KIRREL3: variants seen among roughly 807,000 people sequenced by gnomAD.
KIRREL3 encodes kirre like nephrin family adhesion molecule 3.
Under a neutral mutation model 89.7 loss-of-function variants are expected in KIRREL3, and 36 were observed. The observed-to-expected ratio is 0.40, with a 90% confidence interval of 0.31 to 0.53. The LOEUF is 0.53. Among genes scored for constraint, KIRREL3 ranks in the 20% least tolerant of loss-of-function variants. The probability of loss-of-function intolerance (pLI) is 0.49; values close to 1 mark genes in which losing one functional copy is unlikely to be tolerated. For missense variants in KIRREL3, 864 were observed against 1,056.6 expected, an observed-to-expected ratio of 0.82 and a Z score of 2.53; for synonymous variants, 445 against 441.4, an observed-to-expected ratio of 1.01 and a Z score of -0.10.
At chr11:126,540,630 C>A (rs965614543) in intron 2 of KIRREL3, among the ~76,000 whole-genome samples, 1 of 152,370 alleles carries the variant, frequency 6.6e-6, no homozygotes, top group South Asian at 2.1e-4. Flanking sequence ...TCCATCGATC[C>A]AGCCAAGGCC....
rs7946318 is a variant in KIRREL3, at chr11:126,897,903, C to T, written c.55+102552G>A. Among the ~76,000 whole-genome samples, 69,720 of 151,952 alleles carry T rather than the reference C, an allele frequency of 0.46. 18,161 individuals are homozygous for T. Among genetic ancestry groups the T allele is most frequent in the African/African-American group, 0.72 (29,662 of 41,438 alleles). ...TGATGTATGGCACCTCGAGTTGCTG[C>T]TGGGACTGCAGAGGACACATCATTC... On this transcript the variant is annotated intron_variant, in intron 1 of 16. Transcript: ENST00000525144. This position sits in a 1 kb window ranked among gnomAD's most constrained non-coding sequence, Gnocchi z 4.2.
Position 126,985,001 on chromosome 11 carries a change from G to A in KIRREL3, c.55+15454C>T, listed in dbSNP as rs1949821481. Among the ~76,000 whole-genome samples, 1 of 152,250 alleles carries A rather than the reference G, an allele frequency of 6.6e-6. No homozygotes were observed. The highest frequency in any genetic ancestry group is 2.4e-5 in the African/African-American group (1 of 41,536). On this transcript the variant is annotated intron_variant, in intron 1 of 16. Transcript: ENST00000525144. This position sits in a 1 kb window ranked among gnomAD's most constrained non-coding sequence, Gnocchi z 5.3. ...TTATTTTCCTTACTTTTTAAAGGCAGGATAAGAGTTGATTCAGGGAGGAAG... is the reference window on the plus strand; with the variant it reads ...TTATTTTCCTTACTTTTTAAAGGCAAGATAAGAGTTGATTCAGGGAGGAAG...
rs1946591005 is a variant in KIRREL3, at chr11:126,684,450, G to T, written c.56-121538C>A. Among the ~76,000 whole-genome samples, 1 of 152,148 alleles carries T rather than the reference G, an allele frequency of 6.6e-6. No homozygotes were observed. Among genetic ancestry groups the T allele is most frequent in the African/African-American group, 2.4e-5 (1 of 41,442 alleles). Reference sequence around the variant, plus strand: ...CCTGCCCCTCCAAAGTGGTTCCAAGGTGCCTCCACAAAGCCTCAGGGCTCT... The same window carrying T: ...CCTGCCCCTCCAAAGTGGTTCCAAGTTGCCTCCACAAAGCCTCAGGGCTCT... On this transcript the variant is annotated intron_variant, in intron 1 of 16. Transcript: ENST00000525144. This position sits in a 1 kb window ranked among gnomAD's most constrained non-coding sequence, Gnocchi z 4.2.
intron 1 of KIRREL3, among the ~76,000 whole-genome samples, chr11:126,722,429 T>C (rs1281512180): frequency 1.3e-5 from 2 of 152,272 alleles, no homozygotes; most frequent in African/African-American, 4.8e-5. Flanking sequence ...GTTTTCTGTT[T>C]AGCTCTTCTG....
rs1173521922 is a variant in KIRREL3 at position 126,558,383 on chromosome 11, C to A, written c.133+4452G>T. ...GCCCTTTCTTCTCCCTGCCTTGCCA[C>A]TTCCTCTCTTTCCAGCCACCCTGAA... On this transcript the variant is annotated intron_variant, in intron 2 of 16. Transcript: ENST00000525144. This position sits in a 1 kb window ranked among gnomAD's most constrained non-coding sequence, Gnocchi z 4.0. Among the ~76,000 whole-genome samples, 1 of 152,200 alleles carries A rather than the reference C, an allele frequency of 6.6e-6. No individual in the cohort carries two copies. Among genetic ancestry groups the A allele is most frequent in the African/African-American group, 2.4e-5 (1 of 41,456 alleles).
At chr11:126,505,014 A>AC (rs149688268) in intron 4 of KIRREL3, among the ~76,000 whole-genome samples, 1,972 of 152,354 alleles carry the variant, frequency 0.013, 36 homozygotes, top group African/African-American at 0.045. Context: ...TCAACCTGAT[A>AC]TAGGTCACCA....
At chr11:126,573,871 T>TG (rs1941108314) in intron 1 of KIRREL3, among the ~76,000 whole-genome samples, 1 of 151,992 alleles carries the variant, frequency 6.6e-6, no homozygotes, top group Admixed American at 6.6e-5. Flanking sequence ...GACCTCTTGC[T>TG]GGGGGGATAT....
rs754405418 is a variant in KIRREL3 at position 126,795,880 on chromosome 11, C to T, written c.55+204575G>A. On this transcript the variant is annotated intron_variant, in intron 1 of 16. Transcript: ENST00000525144. This position sits in a 1 kb window ranked among gnomAD's most constrained non-coding sequence, Gnocchi z 4.1. ...AGATACCCCATGCCAGGCCAGCCTC[C>T]GTACTGCCAGGCTCGTCCTCACCCT... 1.4e-4 allele frequency among the ~76,000 whole-genome samples: 22 copies of T among 152,122 alleles called. No individual in the cohort carries two copies. The highest frequency in any genetic ancestry group is 3.1e-4 in the Non-Finnish European group (21 of 68,030).
chr11:126,961,350 G>T (rs1034913939), intron 1 of KIRREL3, among the ~76,000 whole-genome samples: 2 of 152,202 alleles, frequency 1.3e-5, no homozygotes, highest in African/African-American at 2.4e-5. Context: ...AATTAAAAGT[G>T]CTACTCCAGT....
rs1383103986 is a variant in KIRREL3, at chr11:126,812,675, A to G, written c.55+187780T>C. ...CCGCCCTGACTTTGGGCCTTTGTCC[A>G]TACAGCACCACACTGGGCGTCAGGG... On this transcript the variant is annotated intron_variant, in intron 1 of 16. Coordinates refer to ENST00000525144, the MANE Select transcript of KIRREL3 (RefSeq NM_032531.4). The surrounding 1 kb of genome is among the most constrained non-coding windows in gnomAD (Gnocchi z 5.2). Among the ~76,000 whole-genome samples the G allele has an allele frequency of 1.3e-5, 2 of 152,338 alleles. No individual in the cohort carries two copies. Among genetic ancestry groups the G allele is most frequent in the East Asian group, 1.9e-4 (1 of 5,190 alleles).
At chr11:126,880,231 A>T (rs573881323) in intron 1 of KIRREL3, among the ~76,000 whole-genome samples, 1 of 152,314 alleles carries the variant, frequency 6.6e-6, no homozygotes, top group Admixed American at 6.5e-5. Flanking sequence ...TATCAACCAC[A>T]AAAGCAATTT....
At chr11:126,679,397 A>G (rs548039577) in intron 1 of KIRREL3, among the ~76,000 whole-genome samples, 2 of 152,342 alleles carry the variant, frequency 1.3e-5, no homozygotes, top group Non-Finnish European at 2.9e-5. Context: ...TGAGCAGCAT[A>G]TGCGTGTCCT....
chr11:126,451,147 G>A (rs1311327270), intron 7 of KIRREL3, among the ~76,000 whole-genome samples: 1 of 150,774 alleles, frequency 6.6e-6, no homozygotes, highest in Non-Finnish European at 1.5e-5. Flanking sequence ...GTGTGCATGT[G>A]TAAATGTGGG....
rs1184916003 is a variant in KIRREL3 at position 126,965,967 on chromosome 11, C to A, written c.55+34488G>T. ...AAAGTTACTTCAATCTACTTTAAAT[C>A]TTTGGAAGGAACAAATGGGGTCTTG... On this transcript the variant is annotated intron_variant, in intron 1 of 16. Coordinates refer to ENST00000525144, the MANE Select transcript of KIRREL3 (RefSeq NM_032531.4). The surrounding 1 kb of genome is among the most constrained non-coding windows in gnomAD (Gnocchi z 4.4). Among the ~76,000 whole-genome samples the A allele has an allele frequency of 1.3e-5, 2 of 152,128 alleles. No individual in the cohort carries two copies. Among genetic ancestry groups the A allele is most frequent in the Non-Finnish European group, 2.9e-5 (2 of 68,024 alleles).
At chr11:126,836,179 T>C (rs1943774809) in intron 1 of KIRREL3, among the ~76,000 whole-genome samples, 1 of 152,218 alleles carries the variant, frequency 6.6e-6, no homozygotes. Context: ...GTTCTGTGAG[T>C]ACTTCTCAAA....
Position 126,985,746 on chromosome 11 carries a change from G to A in KIRREL3, c.55+14709C>T, listed in dbSNP as rs548669537. Among the ~76,000 whole-genome samples, 23 of 152,194 alleles carry A rather than the reference G, an allele frequency of 1.5e-4. No individual in the cohort carries two copies. The highest frequency in any genetic ancestry group is 4.6e-4 in the Admixed American group (7 of 15,292). On this transcript the variant is annotated intron_variant, in intron 1 of 16. Coordinates refer to ENST00000525144, the MANE Select transcript of KIRREL3 (RefSeq NM_032531.4). This position sits in a 1 kb window ranked among gnomAD's most constrained non-coding sequence, Gnocchi z 5.3. ...GGTGTCGGGATGCTGTCAAAGGAACGTACACCCATGAGAAGATAGCGAACT... is the reference window on the plus strand; with the variant it reads ...GGTGTCGGGATGCTGTCAAAGGAACATACACCCATGAGAAGATAGCGAACT...
At chr11:126,819,306 C>A (rs996898025) in intron 1 of KIRREL3, among the ~76,000 whole-genome samples, 20 of 152,188 alleles carry the variant, frequency 1.3e-4, no homozygotes, top group Non-Finnish European at 4.4e-5. Context: ...AGCAGAGGTT[C>A]AGCCCTACCA....
At chr11:126,781,727 C>T (rs974428948) in intron 1 of KIRREL3, among the ~76,000 whole-genome samples, 1 of 152,258 alleles carries the variant, frequency 6.6e-6, no homozygotes, top group East Asian at 1.9e-4. Flanking sequence ...CGCAAGGACA[C>T]CAAAGGGCTC....
At chr11:126,841,620 C>T (rs1010106397) in intron 1 of KIRREL3, among the ~76,000 whole-genome samples, 2 of 152,332 alleles carry the variant, frequency 1.3e-5, no homozygotes, top group South Asian at 4.1e-4. Context: ...TCCCCAGGAC[C>T]AAGTTCCATA....
Sources: gnomAD v4.1 joint callset for allele counts (sites outside exome capture counted in the v4.1 genomes callset) on GRCh38, gnomAD v4.1.1 for gene constraint, Gnocchi (gnomAD v3.1) non-coding constraint, MANE v1.5 for transcripts, NCBI Gene and HGNC (gene_info 2026-07-23, HGNC 2026-07-21) for gene names.